Variants in HIVEP3 observed in about 807,000 individuals in gnomAD.
HIVEP3 encodes the protein HIVEP zinc finger 3, also known as transcription factor HIVEP3.
Under a neutral mutation model 152.8 loss-of-function variants are expected in HIVEP3, and 49 were observed. The ratio of observed to expected loss-of-function variants is 0.32; its 90% confidence interval spans 0.26 to 0.41. HIVEP3 has a LOEUF of 0.41. Among genes scored for constraint, HIVEP3 ranks in the 10% least tolerant of loss-of-function variants. The pLI, the probability that HIVEP3 is intolerant of heterozygous loss-of-function variation, is 1.00. For synonymous variants in HIVEP3, 1,269 were observed against 1,289.0 expected (o/e 0.98, Z 0.33); for missense variants, 2,790 against 3,103.3 (o/e 0.90, Z 2.40).
At chr1:41,764,514 A>T (rs1347514945) in intron 1 of HIVEP3, among the ~76,000 whole-genome samples, 1 of 152,306 alleles carries the variant, frequency 6.6e-6, no homozygotes, top group African/African-American at 2.4e-5. Context: ...CTGCAAGGAA[A>T]GTTCAGGTTG....
At chr1:41,614,718 A>G (rs1374262906) in intron 3 of HIVEP3, among the ~76,000 whole-genome samples, 1 of 152,246 alleles carries the variant, frequency 6.6e-6, no homozygotes, top group Non-Finnish European at 1.5e-5. Context: ...GAAGATGGGT[A>G]AGTCACTTAG....
intron 2 of HIVEP3, among the ~76,000 whole-genome samples, chr1:41,659,839 T>C (rs928820966): frequency 4.6e-5 from 7 of 152,224 alleles, no homozygotes; most frequent in South Asian, 2.1e-4. Flanking sequence ...GTACTCATCT[T>C]GGGGAGCTAG....
At chr1:42,007,397 T>C (rs571361936) in intron 1 of HIVEP3, among the ~76,000 whole-genome samples, 4 of 152,340 alleles carry the variant, frequency 2.6e-5, no homozygotes, top group East Asian at 1.9e-4. Context: ...GGCTTGTGAA[T>C]GCAAGAAACA....
intron 1 of HIVEP3, among the ~76,000 whole-genome samples, chr1:41,928,321 T>C (rs190653860): frequency 1.3e-5 from 2 of 152,280 alleles, no homozygotes; most frequent in Non-Finnish European, 2.9e-5. Flanking sequence ...TCTTCATTTA[T>C]TTCTTTCAGG....
rs1645859556 is a variant in HIVEP3, at chr1:41,670,556, A to C, written c.-721+30360T>G. On this transcript the variant is annotated intron_variant, in intron 2 of 8. Transcript: ENST00000372583. ...ATGGAACTTATGTTCTAGGGGAAAG[A>C]GACAGACAGTAAACAAGAAACAGAA... 2.0e-5 allele frequency among the ~76,000 whole-genome samples: 3 copies of C among 152,242 alleles called. No individual in the cohort carries two copies. In the South Asian group the frequency reaches 6.2e-4, roughly 32 times the overall value.
At chr1:41,892,439 C>T (rs192178892) in intron 1 of HIVEP3, among the ~76,000 whole-genome samples, 21 of 152,250 alleles carry the variant, frequency 1.4e-4, no homozygotes, top group East Asian at 7.7e-4. Context: ...TATGCCCAGA[C>T]GCTCTGAACC....
chr1:41,801,990 T>C (rs1277543371), intron 1 of HIVEP3, among the ~76,000 whole-genome samples: 2 of 152,146 alleles, frequency 1.3e-5, no homozygotes, highest in Non-Finnish European at 2.9e-5. Context: ...GACACCACTA[T>C]CCAGCTGCTC....
chr1:41,689,548 C>G (rs959469798), intron 2 of HIVEP3, among the ~76,000 whole-genome samples: 2 of 152,150 alleles, frequency 1.3e-5, no homozygotes, highest in African/African-American at 4.8e-5. Context: ...ACACCAAGGG[C>G]TTGGGAGGAG....
At chr1:41,645,687 GC>G (rs1314825244) in intron 2 of HIVEP3, among the ~76,000 whole-genome samples, 7 of 152,214 alleles carry the variant, frequency 4.6e-5, no homozygotes, top group Non-Finnish European at 4.4e-5. Context: ...CCAAGCTGTA[GC>G]CCAGCCTCCA....
chr1:41,936,988 T>A (rs1255778584), intron 1 of HIVEP3, among the ~76,000 whole-genome samples: 1 of 152,172 alleles, frequency 6.6e-6, no homozygotes, highest in African/African-American at 2.4e-5. Flanking sequence ...ATATTCTTCA[T>A]TAAAATCATA....
At chr1:41,975,242 T>C (rs890514335) in intron 1 of HIVEP3, among the ~76,000 whole-genome samples, 1 of 152,158 alleles carries the variant, frequency 6.6e-6, no homozygotes, top group Non-Finnish European at 1.5e-5. Flanking sequence ...GCTTCCCTCA[T>C]TCCCCCACAG....
At chr1:41,744,804 C>T (rs1647048725) in intron 1 of HIVEP3, among the ~76,000 whole-genome samples, 1 of 152,186 alleles carries the variant, frequency 6.6e-6, no homozygotes. Context: ...ATATTACATT[C>T]CAACACATAC....
At chr1:41,824,439 T>G (rs1373424807) in intron 1 of HIVEP3, among the ~76,000 whole-genome samples, 1 of 152,068 alleles carries the variant, frequency 6.6e-6, no homozygotes, top group Non-Finnish European at 1.5e-5. Context: ...AATGCCTCCT[T>G]TTCAGTTCAA....
intron 1 of HIVEP3, among the ~76,000 whole-genome samples, chr1:41,845,188 C>T (rs1643401939): frequency 8.1e-6 from 1 of 123,070 alleles, no homozygotes; most frequent in African/African-American, 3.8e-5. Context: ...GTATTTATCA[C>T]TTTCTAAGAG....
chr1:41,709,560 C>T (rs747931968), intron 1 of HIVEP3, among the ~76,000 whole-genome samples: 5 of 152,172 alleles, frequency 3.3e-5, no homozygotes, highest in Admixed American at 6.5e-5. Context: ...GGGCAGGAAA[C>T]CAGCCTATAG....
chr1:41,895,392 G>A (rs1307668368), intron 1 of HIVEP3, among the ~76,000 whole-genome samples: 1 of 152,048 alleles, frequency 6.6e-6, no homozygotes, highest in Non-Finnish European at 1.5e-5. Flanking sequence ...CTTCCACAAT[G>A]GGCTGTTCAG....
At chr1:41,547,410 C>A (rs151220237) in intron 5 of HIVEP3, among the ~76,000 whole-genome samples, 1 of 152,106 alleles carries the variant, frequency 6.6e-6, no homozygotes, top group East Asian at 1.9e-4. Context: ...GCCAGGGAGG[C>A]TCCAGGGAAT....
intron 2 of HIVEP3, among the ~76,000 whole-genome samples, chr1:41,659,728 G>C (rs1280075176): frequency 6.6e-6 from 1 of 152,238 alleles, no homozygotes; most frequent in Non-Finnish European, 1.5e-5. Flanking sequence ...CCAAGCAATA[G>C]TCGGCCAATA....
chr1:41,634,122 A>T (rs1164747594), intron 2 of HIVEP3, among the ~76,000 whole-genome samples: 3 of 111,382 alleles, frequency 2.7e-5, no homozygotes, highest in African/African-American at 1.2e-4. Flanking sequence ...ATCTTTTCTT[A>T]AAAAAAAAAA....
Sources: gnomAD v4.1 joint callset for allele counts (sites outside exome capture counted in the v4.1 genomes callset) on GRCh38, gnomAD v4.1.1 for gene constraint, MANE v1.5 for transcripts, NCBI Gene and HGNC (gene_info 2026-07-23, HGNC 2026-07-21) for gene names.